The following CNTNAP3B variants were observed in gnomAD, a reference collection of about 807,000 sequenced individuals.
CNTNAP3B encodes the protein contactin-associated protein-like 3B.
A neutral mutation model predicts 108.9 loss-of-function variants in CNTNAP3B; 25 were observed. The observed-to-expected ratio is 0.23, with a 90% confidence interval of 0.17 to 0.32. The LOEUF (loss-of-function observed/expected upper bound fraction) is 0.32. Among genes scored for constraint, CNTNAP3B ranks in the 10% least tolerant of loss-of-function variants. CNTNAP3B has a pLI of 1.00. For missense variants in CNTNAP3B, 252 were observed against 1,210.4 expected, an observed-to-expected ratio of 0.21 and a Z score of 11.75; for synonymous variants, 103 against 473.4, an observed-to-expected ratio of 0.22 and a Z score of 10.16.
At position 42,045,677 on chromosome 9, in the gene CNTNAP3B, A is replaced by G. The variant is rs1280474954; in HGVS notation, c.390+31192T>C. Among the ~76,000 whole-genome samples, 4 of 150,048 alleles carry G rather than the reference A, an allele frequency of 2.7e-5. No individual in the cohort carries two copies. In the East Asian group the frequency reaches 7.9e-4, roughly 30 times the overall value. On this transcript the variant is annotated intron_variant, in intron 3 of 23. Coordinates refer to ENST00000377561, the MANE Select transcript of CNTNAP3B (RefSeq NM_001201380.3). Reference sequence around the variant, plus strand: ...ACCCAAATGTCCACTGATGAGTGGAATGGATAAACAAAATATGGTATAATT... The same window carrying G: ...ACCCAAATGTCCACTGATGAGTGGAGTGGATAAACAAAATATGGTATAATT...
intron 10 of CNTNAP3B, among the ~76,000 whole-genome samples, chr9:41,968,026 G>A (rs1329066127): frequency 1.3e-5 from 2 of 152,238 alleles, no homozygotes; most frequent in Non-Finnish European, 2.9e-5. Flanking sequence ...GTAACTCTTG[G>A]GACTTTAAGG....
intron 13 of CNTNAP3B, among the ~76,000 whole-genome samples, chr9:41,939,987 A>G (rs541743119): frequency 2.0e-5 from 3 of 152,392 alleles, no homozygotes; most frequent in African/African-American, 7.2e-5. Context: ...TTTTAAAAAA[A>G]CTCTGAATGG....
chr9:41,959,756 T>C (rs1192164680), intron 12 of CNTNAP3B, among the ~76,000 whole-genome samples: 1 of 152,310 alleles, frequency 6.6e-6, no homozygotes, highest in Non-Finnish European at 1.5e-5. Context: ...AATGCCCATG[T>C]AATTTCAGTT....
chr9:41,948,429 C>T (rs1410837424), intron 13 of CNTNAP3B, among the ~76,000 whole-genome samples: 1 of 151,756 alleles, frequency 6.6e-6, no homozygotes, highest in East Asian at 1.9e-4. Flanking sequence ...AAATTAAAGT[C>T]AATTTTACAT....
At chr9:41,935,127 A>C (rs1824117508) in intron 14 of CNTNAP3B, among the ~76,000 whole-genome samples, 1 of 152,296 alleles carries the variant, frequency 6.6e-6, no homozygotes, top group Non-Finnish European at 1.5e-5. Context: ...TCAATATTTT[A>C]AATCATTATA....
intron 13 of CNTNAP3B, among the ~76,000 whole-genome samples, chr9:41,951,985 G>C (rs1230623108): frequency 6.6e-6 from 1 of 152,246 alleles, no homozygotes; most frequent in African/African-American, 2.4e-5. Context: ...GCTGAGGCAG[G>C]AGAATCGCTT....
intron 14 of CNTNAP3B, among the ~76,000 whole-genome samples, chr9:41,934,188 C>CATATATATATAT (rs748553009): frequency 2.2e-5 from 3 of 135,358 alleles, no homozygotes; most frequent in African/African-American, 8.6e-5. Context: ...CACACACACA[C>CATATATATATAT]ATATATATAT....
At chr9:42,078,546 A>G (rs1300884214) in intron 2 of CNTNAP3B, among the ~76,000 whole-genome samples, 2 of 139,468 alleles carry the variant, frequency 1.4e-5, no homozygotes, top group Non-Finnish European at 3.1e-5. Context: ...AGAGTCAGGA[A>G]TTTGATCTAG....
At chr9:41,966,369 A>G (rs1421166521) in intron 10 of CNTNAP3B, among the ~76,000 whole-genome samples, 7 of 152,306 alleles carry the variant, frequency 4.6e-5, no homozygotes, top group Admixed American at 1.3e-4. Flanking sequence ...GACTATCAAC[A>G]TGTATACACT....
chr9:41,991,000 A>G (rs1459879888), intron 8 of CNTNAP3B, among the ~76,000 whole-genome samples: 1 of 134,742 alleles, frequency 7.4e-6, no homozygotes, highest in African/African-American at 3.0e-5. Context: ...TCTGAGGTTT[A>G]CCACTTCACA....
chr9:41,956,338 A>T (rs1199965718), intron 12 of CNTNAP3B, among the ~76,000 whole-genome samples: 2 of 152,022 alleles, frequency 1.3e-5, no homozygotes, highest in African/African-American at 4.8e-5. Context: ...GTGAGCCGAG[A>T]TCGTGCCACT....
intron 2 of CNTNAP3B, among the ~76,000 whole-genome samples, chr9:42,078,826 C>T (rs1402622032): frequency 1.3e-5 from 2 of 150,396 alleles, no homozygotes; most frequent in Non-Finnish European, 2.9e-5. Flanking sequence ...GTAGGAACTA[C>T]TTCCACAGTT....
chr9:42,066,488 A>T (rs1827267508), intron 3 of CNTNAP3B, among the ~76,000 whole-genome samples: 1 of 106,682 alleles, frequency 9.4e-6, no homozygotes, highest in South Asian at 3.2e-4. Flanking sequence ...GAGCAGTGGC[A>T]TGATCTCGGC....
intron 1 of CNTNAP3B, among the ~76,000 whole-genome samples, chr9:42,118,320 T>C (rs1298347364): frequency 2.2e-5 from 3 of 139,514 alleles, no homozygotes; most frequent in South Asian, 4.6e-4. Flanking sequence ...TCAAAAAGCT[T>C]ATCCACCATG....
intron 1 of CNTNAP3B, among the ~76,000 whole-genome samples, chr9:42,107,398 C>A (rs1828103098): frequency 1.5e-5 from 1 of 68,248 alleles, no homozygotes; most frequent in Non-Finnish European, 2.8e-5. Flanking sequence ...AAAATAATAA[C>A]CAGATCTCAA....
chr9:42,080,524 C>T (rs1827591357), intron 2 of CNTNAP3B, among the ~76,000 whole-genome samples: 1 of 137,280 alleles, frequency 7.3e-6, no homozygotes, highest in Middle Eastern at 3.5e-3. Context: ...AATCTGTGTG[C>T]CTTTGTTAAA....
At chr9:42,108,712 C>G (rs1190855526) in intron 1 of CNTNAP3B, among the ~76,000 whole-genome samples, 2 of 134,460 alleles carry the variant, frequency 1.5e-5, no homozygotes, top group African/African-American at 6.0e-5. Context: ...TTGATTTAGT[C>G]TCGGTGATTA....
rs1248373960 is a variant in CNTNAP3B, at chr9:42,080,468, G to T, written c.197-3406C>A. On this transcript the variant is annotated intron_variant, in intron 2 of 23. Coordinates refer to ENST00000377561, the MANE Select transcript of CNTNAP3B (RefSeq NM_001201380.3). ...ATTTAATTAAACGCTGAGTGGAAATGGTGGGAAACACAGCGTGACTGACCT... is the reference window on the plus strand; with the variant it reads ...ATTTAATTAAACGCTGAGTGGAAATTGTGGGAAACACAGCGTGACTGACCT... 2.9e-5 allele frequency among the ~76,000 whole-genome samples: 4 copies of T among 138,598 alleles called. 2 individuals are homozygous for T. The highest frequency in any genetic ancestry group is 6.2e-5 in the Non-Finnish European group (4 of 64,848). The allele number at this position is 138,598 out of a possible 152,430, so 90.9% of individuals were successfully genotyped here. A position where few individuals can be genotyped will look rare whatever the true frequency, so the allele number is the denominator to read the frequency against.
chr9:41,970,939 A>G (rs555861070), intron 9 of CNTNAP3B, among the ~76,000 whole-genome samples: 7 of 150,934 alleles, frequency 4.6e-5, no homozygotes, highest in Non-Finnish European at 1.0e-4. Flanking sequence ...GTTAGGGTAC[A>G]TAAGGATAAA....
Sources: gnomAD v4.1 joint callset for allele counts (sites outside exome capture counted in the v4.1 genomes callset) on GRCh38, gnomAD v4.1.1 for gene constraint, MANE v1.5 for transcripts, NCBI Gene and HGNC (gene_info 2026-07-23, HGNC 2026-07-21) for gene names.